RANBP2: variants seen among roughly 807,000 people sequenced by gnomAD.
RANBP2 encodes RAN binding protein 2.
A neutral mutation model predicts 303.6 loss-of-function variants in RANBP2; 57 were observed. The observed-to-expected ratio is 0.19, with a 90% confidence interval of 0.15 to 0.23. The LOEUF (loss-of-function observed/expected upper bound fraction) is 0.23, where lower values mean the gene tolerates loss of function less well. RANBP2 is among the 10% of genes least tolerant of loss of function. The pLI, the probability that RANBP2 is intolerant of heterozygous loss-of-function variation, is 1.00. For synonymous variants in RANBP2, 1,167 were observed against 1,301.5 expected (o/e 0.90, Z 2.23); for missense variants, 3,138 against 3,780.8 (o/e 0.83, Z 4.46).
chr2:109,586,922 T>C, the RANBP2 span, among the ~76,000 whole-genome samples: 2 of 151,996 alleles, frequency 1.3e-5, no homozygotes, highest in African/African-American at 4.8e-5. Context: ...AGAACAAAGT[T>C]CAAGACTCTG....
At chr2:109,544,886 T>C in the RANBP2 span, 6 of 901,868 alleles carry the variant, frequency 6.7e-6, no homozygotes, top group South Asian at 2.5e-4. Context: ...TTGGAGAGCT[T>C]GCATTGAAAG....
chr2:109,500,911 C>A, the RANBP2 span, among the ~76,000 whole-genome samples: 1 of 152,152 alleles, frequency 6.6e-6, no homozygotes, highest in African/African-American at 2.4e-5. Flanking sequence ...GATCATACCA[C>A]GGCACTCCAG....
At chr2:109,357,624 C>T in the RANBP2 span, among the ~76,000 whole-genome samples, 35 of 152,266 alleles carry the variant, frequency 2.3e-4, no homozygotes, top group African/African-American at 7.7e-4. Context: ...CAAGGAATCA[C>T]GCAGGATTTA....
chr2:109,067,084 A>AG, the RANBP2 span, among the ~76,000 whole-genome samples: 2 of 151,034 alleles, frequency 1.3e-5, no homozygotes, highest in Non-Finnish European at 2.9e-5. Context: ...ACAGAAAGAA[A>AG]GAAAAAAAAA....
chr2:109,078,413 C>G, the RANBP2 span, among the ~76,000 whole-genome samples: 2 of 146,504 alleles, frequency 1.4e-5, no homozygotes, highest in African/African-American at 4.9e-5. Context: ...ACACAAAAAG[C>G]AAATATCATA....
the RANBP2 span, among the ~76,000 whole-genome samples, chr2:109,302,274 A>AT: frequency 0.31 from 46,984 of 152,064 alleles, 8,726 homozygotes; most frequent in East Asian, 0.9. Flanking sequence ...ATCCTGGGGC[A>AT]TTTTTTTGTG....
At chr2:109,464,666 A>G in the RANBP2 span, among the ~76,000 whole-genome samples, 1 of 152,192 alleles carries the variant, frequency 6.6e-6, no homozygotes, top group South Asian at 2.1e-4. Flanking sequence ...TTTATTTTTT[A>G]GAACAAATTT....
At chr2:109,262,598 A>T in the RANBP2 span, among the ~76,000 whole-genome samples, 1 of 152,192 alleles carries the variant, frequency 6.6e-6, no homozygotes, top group Non-Finnish European at 1.5e-5. Flanking sequence ...AAGCTGAGAA[A>T]TGAAAGAGCA....
chr2:109,404,643 C>T, the RANBP2 span, among the ~76,000 whole-genome samples: 2 of 152,144 alleles, frequency 1.3e-5, no homozygotes, highest in South Asian at 2.1e-4. Context: ...CCCAGGCTGG[C>T]GGCCAAGCAG....
chr2:108,806,698 C>CCT, the RANBP2 span, among the ~76,000 whole-genome samples: 25 of 152,278 alleles, frequency 1.6e-4, no homozygotes, highest in African/African-American at 5.3e-4. Flanking sequence ...TTAGCCAGCT[C>CCT]CTGGCTAGAT....
At chr2:109,461,063 G>A in the RANBP2 span, among the ~76,000 whole-genome samples, 1 of 152,372 alleles carries the variant, frequency 6.6e-6, no homozygotes, top group East Asian at 1.9e-4. Context: ...AGAGAAGGCA[G>A]CATAGCAGGA....
the RANBP2 span, among the ~76,000 whole-genome samples, chr2:109,205,917 G>A: frequency 6.6e-6 from 1 of 152,268 alleles, no homozygotes; most frequent in African/African-American, 2.4e-5. Context: ...ATTATTTGTT[G>A]ACTTAAAAAA....
the RANBP2 span, among the ~76,000 whole-genome samples, chr2:109,045,947 A>G: frequency 6.6e-6 from 1 of 151,714 alleles, no homozygotes; most frequent in African/African-American, 2.4e-5. Context: ...AGTTTTAGGA[A>G]ATAAAACATC....
At chr2:109,554,288 T>C in the RANBP2 span, among the ~76,000 whole-genome samples, 2 of 152,180 alleles carry the variant, frequency 1.3e-5, no homozygotes, top group East Asian at 1.9e-4. Flanking sequence ...ATAACAAATA[T>C]GGCAGGGTTA....
the RANBP2 span, among the ~76,000 whole-genome samples, chr2:109,553,978 T>C: frequency 1.3e-5 from 2 of 152,320 alleles, no homozygotes; most frequent in South Asian, 2.1e-4. Context: ...ATTTTTACCA[T>C]AGGGTAATTG....
chr2:109,595,926 T>C, the RANBP2 span, among the ~76,000 whole-genome samples: 1 of 152,200 alleles, frequency 6.6e-6, no homozygotes, highest in Non-Finnish European at 1.5e-5. Flanking sequence ...CCTAACATAC[T>C]ACCTGCTTGC....
the RANBP2 span, among the ~76,000 whole-genome samples, chr2:108,885,899 A>G: frequency 1.3e-5 from 2 of 152,198 alleles, no homozygotes; most frequent in Non-Finnish European, 2.9e-5. Flanking sequence ...ACTTAAAATA[A>G]TGACCTCTGG....
the RANBP2 span, among the ~76,000 whole-genome samples, chr2:108,849,529 GAC>G: frequency 1.3e-5 from 2 of 152,086 alleles, no homozygotes; most frequent in African/African-American, 2.4e-5. Flanking sequence ...CTAGACCACA[GAC>G]AGGCCCTGAC....
At chr2:109,726,217 C>T in the RANBP2 span, among the ~76,000 whole-genome samples, 7 of 151,554 alleles carry the variant, frequency 4.6e-5, no homozygotes, top group South Asian at 2.1e-4. Flanking sequence ...GAGACCAGCC[C>T]GGCCAACATA....
Sources: gnomAD v4.1 joint callset for allele counts (sites outside exome capture counted in the v4.1 genomes callset) on GRCh38, gnomAD v4.1.1 for gene constraint, MANE v1.5 for transcripts, NCBI Gene and HGNC (gene_info 2026-07-23, HGNC 2026-07-21) for gene names.